The following TNPO1 variants were observed in gnomAD, a reference collection of about 807,000 sequenced individuals.
TNPO1 encodes the protein transportin-1.
Under a neutral mutation model 119.5 loss-of-function variants are expected in TNPO1, and 8 were observed. That is an observed-to-expected ratio of 0.07 (90% CI 0.04 to 0.12). The LOEUF is 0.12. TNPO1 is among the 10% of genes least tolerant of loss of function. TNPO1 has a pLI of 1.00. For missense variants in TNPO1, 576 were observed against 1,089.8 expected, an observed-to-expected ratio of 0.53 and a Z score of 6.64; for synonymous variants, 362 against 363.0, an observed-to-expected ratio of 1.00 and a Z score of 0.03.
intron 9 of TNPO1, among the ~76,000 whole-genome samples, chr5:72,881,941 T>A (rs992915666): frequency 1.3e-5 from 2 of 152,172 alleles, no homozygotes; most frequent in Non-Finnish European, 2.9e-5. Flanking sequence ...ACTCAAACTT[T>A]TTTTGAGTGG....
chr5:72,866,983 T>A (rs918474198), intron 6 of TNPO1, among the ~76,000 whole-genome samples: 3 of 152,068 alleles, frequency 2.0e-5, no homozygotes, highest in Non-Finnish European at 4.4e-5. Flanking sequence ...GAGACCAGCC[T>A]ACGCAACATA....
At chr5:72,858,214 G>T (rs1013257859) in intron 4 of TNPO1, among the ~76,000 whole-genome samples, 3 of 149,638 alleles carry the variant, frequency 2.0e-5, no homozygotes, top group African/African-American at 4.8e-5. Context: ...GGAATGTGAA[G>T]GTGGTTGTGG....
At chr5:72,882,631 A>C (rs540505943) in intron 10 of TNPO1, 104 bp downstream of exon 10, 22 of 731,512 alleles carry the variant, frequency 3.0e-5, no homozygotes, top group Admixed American at 1.2e-4. Flanking sequence ...ATCTCCTGTA[A>C]ATAGACTTCC....
At chr5:72,895,863 A>T (rs1385027155) in intron 18 of TNPO1, among the ~76,000 whole-genome samples, 1 of 151,796 alleles carries the variant, frequency 6.6e-6, no homozygotes, top group Non-Finnish European at 1.5e-5. Flanking sequence ...TTTTTGTTTG[A>T]TTGTTTTTAG....
intron 13 of TNPO1, 117 bp from the exon 14 acceptor site, chr5:72,889,669 G>T: frequency 1.8e-6 from 2 of 1,117,506 alleles, no homozygotes; most frequent in Non-Finnish European, 2.5e-6. Context: ...TTAACAGATG[G>T]CTTAGACCAT....
chr5:72,847,964 G>T, intron 1 of TNPO1: 1 of 684,624 alleles, frequency 1.5e-6, no homozygotes, highest in Non-Finnish European at 1.8e-6. Flanking sequence ...CAGGTGTTTC[G>T]CAGGGGTTTT....
At chr5:72,850,729 TAAG>T (rs1308726665) in intron 2 of TNPO1, among the ~76,000 whole-genome samples, 9 of 152,256 alleles carry the variant, frequency 5.9e-5, no homozygotes, top group African/African-American at 1.7e-4. Flanking sequence ...GACTTTATAA[TAAG>T]ATATATAGCC....
chr5:72,884,619 G>C (rs1037928910), intron 11 of TNPO1, among the ~76,000 whole-genome samples: 1 of 152,110 alleles, frequency 6.6e-6, no homozygotes, highest in African/African-American at 2.4e-5. Context: ...TCTGGCCCAC[G>C]CTTCCTAATT....
At position 72,891,915 on chromosome 5, in the gene TNPO1, A is replaced by G. The variant is rs1169430286; in HGVS notation, c.1788+19A>G. On this transcript the variant is annotated intron_variant, in intron 15 of 24. Coordinates refer to ENST00000337273, the MANE Select transcript of TNPO1 (RefSeq NM_002270.4). ...ACTTGAGGTATGCAGGGCTAGTAAT[A>G]TTTAATCTGTTGCCAAGAACACATG... The G allele has an allele frequency of 7.6e-6, 12 of 1,580,024 alleles. No homozygotes were observed. The highest frequency in any genetic ancestry group is 1.0e-5 in the Non-Finnish European group (12 of 1,158,298).
Position 72,821,137 on chromosome 5 carries a change from A to T in TNPO1, c.15+4385A>T, listed in dbSNP as rs114542490. Among the ~76,000 whole-genome samples the T allele has an allele frequency of 6.2e-3, 947 of 152,336 alleles. 9 individuals are homozygous for T. Among genetic ancestry groups the T allele is most frequent in the African/African-American group, 0.022 (907 of 41,580 alleles). On this transcript the variant is annotated intron_variant, in intron 1 of 24. Transcript: ENST00000337273. ...AGCAAAAAAATATGTGTTTCACATA[A>T]GGAGAATAGAACTGCCTACAAGGTG... is the stretch of plus-strand genomic sequence containing the variant.
At chr5:72,883,821 G>A (rs879447335) in intron 11 of TNPO1, among the ~76,000 whole-genome samples, 3 of 152,048 alleles carry the variant, frequency 2.0e-5, no homozygotes, top group African/African-American at 4.8e-5. Flanking sequence ...ATGGCCCACC[G>A]CAGCCTTGAC....
intron 2 of TNPO1, among the ~76,000 whole-genome samples, chr5:72,850,982 C>G (rs971435276): frequency 2.6e-5 from 4 of 152,094 alleles, no homozygotes; most frequent in African/African-American, 9.7e-5. Context: ...CTATATTGAG[C>G]ATGCTGAAGC....
chr5:72,885,325 C>G (rs1383355766), intron 11 of TNPO1, among the ~76,000 whole-genome samples: 1 of 152,200 alleles, frequency 6.6e-6, no homozygotes, highest in Non-Finnish European at 1.5e-5. Context: ...TTACAAATTA[C>G]TTCCCAGTGT....
chr5:72,847,405 G>C (rs1333509388), intron 1 of TNPO1, among the ~76,000 whole-genome samples: 1 of 152,186 alleles, frequency 6.6e-6, no homozygotes, highest in African/African-American at 2.4e-5. Context: ...ACTCATAGTA[G>C]CTTTAAAAAC....
intron 1 of TNPO1, among the ~76,000 whole-genome samples, chr5:72,841,357 G>A (rs1256458487): frequency 6.6e-6 from 1 of 152,066 alleles, no homozygotes; most frequent in Non-Finnish European, 1.5e-5. Flanking sequence ...GACCTCAGGC[G>A]ATCCACCCGC....
chr5:72,845,299 A>C (rs1745083922), intron 1 of TNPO1, among the ~76,000 whole-genome samples: 2 of 152,164 alleles, frequency 1.3e-5, no homozygotes, highest in African/African-American at 4.8e-5. Flanking sequence ...TATTCTATTT[A>C]ATTAATATAA....
At chr5:72,873,102 T>G (rs1747526777) in intron 7 of TNPO1, among the ~76,000 whole-genome samples, 1 of 152,142 alleles carries the variant, frequency 6.6e-6, no homozygotes, top group African/African-American at 2.4e-5. Flanking sequence ...TTAAGTTCAT[T>G]TGGTAGAATC....
chr5:72,904,469 C>T (rs1361722244), intron 23 of TNPO1, among the ~76,000 whole-genome samples: 2 of 152,094 alleles, frequency 1.3e-5, no homozygotes, highest in African/African-American at 2.4e-5. Context: ...AGGCAAGGCA[C>T]GTGTATTAGT....
intron 3 of TNPO1, among the ~76,000 whole-genome samples, chr5:72,854,926 A>G (rs1356492697): frequency 2.0e-5 from 3 of 152,184 alleles, no homozygotes; most frequent in Non-Finnish European, 4.4e-5. Flanking sequence ...AAGGTCTTAT[A>G]TATTCTTTGT....
Sources: allele counts gnomAD v4.1 joint callset (sites outside exome capture counted in the v4.1 genomes callset), GRCh38; gene constraint gnomAD v4.1.1; transcripts MANE v1.5; gene names NCBI Gene and HGNC (gene_info 2026-07-23, HGNC 2026-07-21).